Variants in PCDHA2 observed in about 807,000 individuals in gnomAD.
PCDHA2 encodes protocadherin alpha-2.
Under a neutral mutation model 66.0 loss-of-function variants are expected in PCDHA2, and 58 were observed. The observed-to-expected ratio is 0.88, with a 90% CI of 0.71 to 1.09. The LOEUF (loss-of-function observed/expected upper bound fraction) is 1.09, where lower values mean the gene tolerates loss of function less well. Among genes scored for constraint, PCDHA2 ranks in the 50% least tolerant of loss-of-function variants. The pLI is 0.00. For synonymous variants in PCDHA2, 634 were observed against 554.0 expected, an observed-to-expected ratio of 1.14 and a Z score of -2.03; for missense variants, 1,267 against 1,242.3, an observed-to-expected ratio of 1.02 and a Z score of -0.30.
chr5:140,870,256 A>G, intron 1 of PCDHA2: 1 of 1,614,168 alleles, frequency 6.2e-7, no homozygotes, highest in Non-Finnish European at 8.5e-7. Flanking sequence ...CGGACAGGTG[A>G]CCTGCTCGCT....
At chr5:140,893,182 AT>A (rs782024176) in intron 1 of PCDHA2, among the ~76,000 whole-genome samples, 5 of 152,238 alleles carry the variant, frequency 3.3e-5, no homozygotes, top group Non-Finnish European at 5.9e-5. Context: ...CATAGTAGCT[AT>A]TGTGAATAGT....
rs2150195630 is a variant in PCDHA2, at chr5:140,831,520, CTTTTTT to C, written c.2388+34187_2388+34192del. Among the ~76,000 whole-genome samples, 55 of 122,392 alleles carry C rather than the reference CTTTTTT, an allele frequency of 4.5e-4. No individual in the cohort carries two copies. The Middle Eastern group carries it at 0.013, about 28-fold the overall frequency. 80.3% of individuals were successfully genotyped at this position (122,392 alleles called of 152,430 possible). On this transcript the variant is annotated intron_variant, in intron 1 of 3. Transcript: ENST00000526136. ...ACACGAGCACCACCATGCCCCCCAC[CTTTTTT>C]TTTTTTTTTTTTTTTTTTAAGAGAT...
At chr5:140,929,153 A>T in intron 1 of PCDHA2, 1 of 1,614,164 alleles carries the variant, frequency 6.2e-7, no homozygotes, top group African/African-American at 1.3e-5. Context: ...TCTCAGACTT[A>T]TCTCTATCGG....
chr5:140,834,241 G>C, intron 1 of PCDHA2: 1 of 811,066 alleles, frequency 1.2e-6, no homozygotes, highest in Non-Finnish European at 1.9e-6. Flanking sequence ...ATTCCTTTTC[G>C]CACTGGAAAG....
At chr5:141,008,582 G>A (rs1554261823) in intron 3 of PCDHA2, among the ~76,000 whole-genome samples, 1 of 152,130 alleles carries the variant, frequency 6.6e-6, no homozygotes. Context: ...CCAAGACTCA[G>A]GGCAGATTTC....
intron 1 of PCDHA2, chr5:140,857,813 G>C: frequency 1.9e-6 from 3 of 1,597,816 alleles, no homozygotes; most frequent in Non-Finnish European, 2.6e-6. Context: ...TGCGGGTCAC[G>C]TGGTGGCTAA....
intron 1 of PCDHA2, chr5:140,807,383 G>T (rs782782841): frequency 6.2e-7 from 1 of 1,602,306 alleles, no homozygotes; most frequent in African/African-American, 1.4e-5. Flanking sequence ...CCTGTTCCGG[G>T]TGGCGTCCAA....
chr5:140,843,635 T>C (rs1554140305), intron 1 of PCDHA2: 2 of 1,595,882 alleles, frequency 1.3e-6, no homozygotes, highest in Non-Finnish European at 1.7e-6. Flanking sequence ...CCTCATGGCC[T>C]TCAGCCCCTG....
chr5:141,004,745 A>C (rs1282005519), intron 3 of PCDHA2, among the ~76,000 whole-genome samples: 2 of 152,158 alleles, frequency 1.3e-5, no homozygotes, highest in Non-Finnish European at 2.9e-5. Flanking sequence ...CTTTTGTCTC[A>C]GTCTCTTAGA....
chr5:140,857,646 A>G lies in PCDHA2; in HGVS notation c.2388+60294A>G, dbSNP rs782060988. 27 of 1,596,264 alleles carry G rather than the reference A, an allele frequency of 1.7e-5. 4 individuals carry two copies. The highest frequency in any genetic ancestry group is 2.2e-5 in the Non-Finnish European group (26 of 1,167,636). Reference sequence around the variant, plus strand: ...GAGGAGCTGGAGCTGCTACAGTTCCAGGTGAGCGCGCGCGATGGGGGCGTG... The same window carrying G: ...GAGGAGCTGGAGCTGCTACAGTTCCGGGTGAGCGCGCGCGATGGGGGCGTG... On this transcript the variant is annotated intron_variant, in intron 1 of 3. Coordinates refer to ENST00000526136, the MANE Select transcript of PCDHA2 (RefSeq NM_018905.3).
intron 1 of PCDHA2, among the ~76,000 whole-genome samples, chr5:140,959,785 C>T (rs976645506): frequency 3.5e-4 from 53 of 152,280 alleles, no homozygotes; most frequent in African/African-American, 1.2e-3. Context: ...TGTATATTAA[C>T]ATGGCTAATT....
rs782316296 is a variant in PCDHA2 at position 140,927,382 on chromosome 5, AG to A, written c.2389-51566del. Reference sequence around the variant, plus strand: ...CAATGGGATACTAAGCTACAGCCTAAGCCCCAGTCAGCACTTTCGCCTGGAC... The same window carrying A: ...CAATGGGATACTAAGCTACAGCCTAACCCCAGTCAGCACTTTCGCCTGGAC... On this transcript the variant is annotated intron_variant, in intron 1 of 3. Coordinates refer to ENST00000526136, the MANE Select transcript of PCDHA2 (RefSeq NM_018905.3). 6 of 1,614,012 alleles carry A rather than the reference AG, an allele frequency of 3.7e-6. No homozygotes were observed. The African/African-American group carries it at 8.0e-5, about 22-fold the overall frequency.
chr5:140,807,213 A>C, intron 1 of PCDHA2: 2 of 1,613,976 alleles, frequency 1.2e-6, no homozygotes, highest in Non-Finnish European at 1.7e-6. Flanking sequence ...GGAAGCGGCC[A>C]GGAATCCCGG....
intron 1 of PCDHA2, among the ~76,000 whole-genome samples, chr5:140,899,853 G>T (rs2067594174): frequency 6.6e-6 from 1 of 152,118 alleles, no homozygotes; most frequent in South Asian, 2.1e-4. Context: ...TGTCACCCAG[G>T]CTGGAGTGCA....
intron 1 of PCDHA2, among the ~76,000 whole-genome samples, chr5:140,950,920 T>TTTCTGCTACTTTTAACTG (rs1554219690): frequency 2.6e-5 from 4 of 152,202 alleles, no homozygotes; most frequent in African/African-American, 9.6e-5. Context: ...TTATTTCAGT[T>TTTCTGCTACTTTTAACTG]CTTTTTCTTT....
intron 1 of PCDHA2, chr5:140,835,364 C>T: frequency 6.2e-7 from 1 of 1,613,892 alleles, no homozygotes; most frequent in Non-Finnish European, 8.5e-7. Flanking sequence ...ATAAAGGCTT[C>T]CCACCCCTGG....
chr5:140,881,595 TTAATA>T (rs2058765091), intron 1 of PCDHA2, among the ~76,000 whole-genome samples: 1 of 152,250 alleles, frequency 6.6e-6, no homozygotes, highest in Non-Finnish European at 1.5e-5. Flanking sequence ...GGGAAATTTA[TTAATA>T]TGATGTGCTT....
At chr5:140,969,175 T>C in intron 1 of PCDHA2, 7 of 1,613,046 alleles carry the variant, frequency 4.3e-6, no homozygotes, top group Non-Finnish European at 5.9e-6. Context: ...GCTCAGGGAG[T>C]GACACTTTCA....
chr5:140,870,750 G>T, intron 1 of PCDHA2: 1 of 1,613,506 alleles, frequency 6.2e-7, no homozygotes, highest in Non-Finnish European at 8.5e-7. Flanking sequence ...GCAACGTGAC[G>T]CTGCAGGTGT....
Sources: allele counts gnomAD v4.1 joint callset (sites outside exome capture counted in the v4.1 genomes callset), GRCh38; gene constraint gnomAD v4.1.1; transcripts MANE v1.5; gene names NCBI Gene and HGNC (gene_info 2026-07-23, HGNC 2026-07-21).